The following CABCOCO1 variants were observed in gnomAD, a reference collection of about 807,000 sequenced individuals.
CABCOCO1 encodes ciliary associated calcium binding coiled-coil 1, also known as ciliary-associated calcium-binding coiled-coil protein 1.
A neutral mutation model predicts 35.7 loss-of-function variants in CABCOCO1; 28 were observed. The ratio of observed to expected loss-of-function variants is 0.78; its 90% CI spans 0.58 to 1.07. The LOEUF is 1.07. Ranked by LOEUF, CABCOCO1 falls within the 50% of genes least tolerant of loss-of-function variation. The pLI is 0.00. For missense variants in CABCOCO1, 326 were observed against 309.2 expected (o/e 1.05, Z -0.41); for synonymous variants, 95 against 100.1 (o/e 0.95, Z 0.30).
intron 7 of CABCOCO1, among the ~76,000 whole-genome samples, chr10:61,762,180 A>C (rs938942974): frequency 6.6e-5 from 10 of 152,084 alleles, no homozygotes; most frequent in Non-Finnish European, 1.2e-4. Context: ...TACAGCTCTG[A>C]AATTATTGCC....
chr10:61,761,079 C>T (rs1038755494), intron 7 of CABCOCO1, 76 bp downstream of exon 7: 1 of 1,439,360 alleles, frequency 6.9e-7, no homozygotes, highest in African/African-American at 1.4e-5. Context: ...TGTCTATAAA[C>T]ACTCCCCACA....
At chr10:61,689,950 C>A (rs892352313) in intron 4 of CABCOCO1, among the ~76,000 whole-genome samples, 8 of 152,180 alleles carry the variant, frequency 5.3e-5, no homozygotes, top group African/African-American at 1.7e-4. Context: ...AGGGTAAGAA[C>A]TGAAGAAATG....
intron 2 of CABCOCO1, 56 bp downstream of exon 2, chr10:61,672,791 G>A (rs1564529367): frequency 1.1e-6 from 1 of 929,102 alleles, no homozygotes; most frequent in East Asian, 1.2e-4. Context: ...TTCTGCATCT[G>A]TAAATGATTG....
At chr10:61,725,314 G>C (rs931085342) in intron 5 of CABCOCO1, among the ~76,000 whole-genome samples, 1 of 152,088 alleles carries the variant, frequency 6.6e-6, no homozygotes, top group Non-Finnish European at 1.5e-5. Context: ...GCACACATAC[G>C]TTTACTGCAG....
chr10:61,726,822 C>T (rs1205706253), intron 5 of CABCOCO1, among the ~76,000 whole-genome samples: 6 of 134,536 alleles, frequency 4.5e-5, no homozygotes, highest in Non-Finnish European at 7.7e-5. Flanking sequence ...CTTTGGGAGG[C>T]GAGCGGGGGT....
chr10:61,728,386 T>C (rs1163581149), intron 5 of CABCOCO1, among the ~76,000 whole-genome samples: 1 of 152,172 alleles, frequency 6.6e-6, no homozygotes, highest in Non-Finnish European at 1.5e-5. Context: ...AGCATTACAG[T>C]TGGCCTGTCA....
rs1432848713 is a variant in CABCOCO1, at chr10:61,662,986, C to T, written c.14C>T (p.Thr5Met). The T allele has an allele frequency of 2.8e-5, 11 of 388,578 alleles. No homozygotes were observed. The highest frequency in any genetic ancestry group is 2.2e-4 in the African/African-American group (10 of 45,210). 24.1% of individuals were successfully genotyped at this position (388,578 alleles called of 1,614,324 possible). ...GAGATTGCGGCGATGTCGCAGGGGA[C>T]GACTCCCTGGGGGCCGACCCCGGCG... MSQG[T>M]TPWGPTPAGT... Residue 5 changes from threonine (T) to methionine (M), a missense_variant, in exon 1 of 8, where the codon ACG becomes ATG. Transcript: ENST00000648843.
At chr10:61,694,115 T>C (rs1407649588) in intron 5 of CABCOCO1, among the ~76,000 whole-genome samples, 1 of 151,648 alleles carries the variant, frequency 6.6e-6, no homozygotes, top group Non-Finnish European at 1.5e-5. Context: ...TTTGATTAAG[T>C]TAATGAATTT....
intron 1 of CABCOCO1, among the ~76,000 whole-genome samples, chr10:61,669,808 T>A (rs1839303268): frequency 6.6e-6 from 1 of 152,138 alleles, no homozygotes; most frequent in African/African-American, 2.4e-5. Context: ...CCCAGAGATT[T>A]TTCAAATCAG....
At chr10:61,760,034 A>G in intron 5 of CABCOCO1, 25 bp from the exon 6 acceptor site, 2 of 1,611,946 alleles carry the variant, frequency 1.2e-6, no homozygotes, top group Non-Finnish European at 1.7e-6. Flanking sequence ...GCTCTGTCAT[A>G]ATTCAACTTT....
At chr10:61,705,901 G>A (rs1589132696) in intron 5 of CABCOCO1, among the ~76,000 whole-genome samples, 1 of 152,158 alleles carries the variant, frequency 6.6e-6, no homozygotes, top group Admixed American at 6.5e-5. Flanking sequence ...ACCACTGTCC[G>A]AAGCTTCCTC....
At position 61,680,644 on chromosome 10, in the gene CABCOCO1, A is replaced by AAC. The variant is rs1491274074; in HGVS notation, c.165-498_165-497insCA. Among the ~76,000 whole-genome samples the AAC allele has an allele frequency of 1.9e-3, 176 of 92,132 alleles. 18 individuals carry two copies. The highest frequency in any genetic ancestry group is 6.1e-3 in the African/African-American group (162 of 26,554). 60.4% of individuals were successfully genotyped at this position (92,132 alleles called of 152,430 possible). On this transcript the variant is annotated intron_variant, in intron 2 of 7. Transcript: ENST00000648843. ...TAACATATACATGTTATACATATAT[A>AAC]ATATATATTATGTTATACATGTATA...
At chr10:61,731,745 A>AAGGG (rs1432277566) in intron 5 of CABCOCO1, among the ~76,000 whole-genome samples, 6 of 121,590 alleles carry the variant, frequency 4.9e-5, no homozygotes, top group African/African-American at 1.9e-4. Context: ...GGGAGGGAGG[A>AAGGG]AGGGAGGGAG....
intron 5 of CABCOCO1, among the ~76,000 whole-genome samples, chr10:61,745,486 CACCCAACAGTTCTCT>C (rs1841636244): frequency 6.6e-6 from 1 of 152,166 alleles, no homozygotes; most frequent in South Asian, 2.1e-4. Context: ...ATCAGGGACT[CACCCAACAGTTCTCT>C]ACCCCTATGG....
chr10:61,737,692 A>G (rs993248561), intron 5 of CABCOCO1, among the ~76,000 whole-genome samples: 1 of 152,202 alleles, frequency 6.6e-6, no homozygotes, highest in African/African-American at 2.4e-5. Flanking sequence ...TCTTTAGCAA[A>G]CTAACACAGG....
chr10:61,756,587 T>C (rs965121163), intron 5 of CABCOCO1, among the ~76,000 whole-genome samples: 1 of 152,112 alleles, frequency 6.6e-6, no homozygotes, highest in African/African-American at 2.4e-5. Flanking sequence ...AACACATTTA[T>C]TGCTTTACAT....
intron 5 of CABCOCO1, among the ~76,000 whole-genome samples, chr10:61,719,623 T>C (rs1198321621): frequency 6.6e-6 from 1 of 152,068 alleles, no homozygotes; most frequent in African/African-American, 2.4e-5. Context: ...GTTCTCTTAA[T>C]TAAGAGTGGT....
intron 2 of CABCOCO1, 62 bp from the exon 3 acceptor site, chr10:61,681,081 A>C: frequency 9.5e-7 from 1 of 1,050,606 alleles, no homozygotes; most frequent in African/African-American, 1.7e-5. Context: ...TTCAAAACTT[A>C]GGAAAGAAAT....
At chr10:61,677,811 G>GTTTTTTTTTTTTTTTTTTTTTTTTT (rs35492889) in intron 2 of CABCOCO1, among the ~76,000 whole-genome samples, 3 of 60,306 alleles carry the variant, frequency 5.0e-5, no homozygotes, top group Non-Finnish European at 8.6e-5. Flanking sequence ...TTTTTTGGGT[G>GTTTTTTTTTTTTTTTTTTTTTTTTT]TTTTTTTTTT....
Sources: gnomAD v4.1 joint callset for allele counts (sites outside exome capture counted in the v4.1 genomes callset) on GRCh38, gnomAD v4.1.1 for gene constraint, MANE v1.5 for transcripts, NCBI Gene and HGNC (gene_info 2026-07-23, HGNC 2026-07-21) for gene names.